The following STK4 variants were observed in gnomAD, a reference collection of about 807,000 sequenced individuals.
The protein encoded by STK4 is serine/threonine kinase 4.
Under a neutral mutation model 64.9 loss-of-function variants are expected in STK4, and 30 were observed. The ratio of observed to expected loss-of-function variants is 0.46; its 90% CI spans 0.35 to 0.63. STK4 has a LOEUF of 0.63. Among genes scored for constraint, STK4 ranks in the 20% least tolerant of loss-of-function variants. STK4 has a pLI of 0.01. For synonymous variants in STK4, 177 were observed against 199.0 expected, an observed-to-expected ratio of 0.89 and a Z score of 0.93; for missense variants, 466 against 598.5, an observed-to-expected ratio of 0.78 and a Z score of 2.31.
chr20:45,075,824 A>G lies in STK4; in HGVS notation c.*648A>G, dbSNP rs1399239703. 1 of 152,658 alleles carries G rather than the reference A, an allele frequency of 6.6e-6. No homozygotes were observed. The highest frequency in any genetic ancestry group is 1.5e-5 in the Non-Finnish European group (1 of 68,046). 9.5% of individuals were successfully genotyped at this position (152,658 alleles called of 1,614,324 possible). ...GCTTCTGGAGCTATTGGTGATGTCC[A>G]AGGGAAAGCTTTGAGAGTTTATGTT... On this transcript the variant is annotated 3_prime_UTR_variant, in exon 11 of 11. Coordinates refer to ENST00000372806, the MANE Select transcript of STK4 (RefSeq NM_006282.5).
intron 10 of STK4, among the ~76,000 whole-genome samples, chr20:45,028,986 C>T (rs1403918003): frequency 6.6e-6 from 1 of 152,180 alleles, no homozygotes; most frequent in Non-Finnish European, 1.5e-5. Flanking sequence ...ACTTGTATTC[C>T]TCCTGAGACT....
At chr20:44,969,438 TTCAGATGGC>T (rs1383722551) in intron 1 of STK4, among the ~76,000 whole-genome samples, 2 of 152,214 alleles carry the variant, frequency 1.3e-5, no homozygotes, top group Non-Finnish European at 2.9e-5. Context: ...TTTTCAGAAA[TTCAGATGGC>T]ATGTGTTTCC....
chr20:44,980,904 G>A (rs1020223914), intron 3 of STK4, among the ~76,000 whole-genome samples: 7 of 152,014 alleles, frequency 4.6e-5, no homozygotes, highest in Non-Finnish European at 8.8e-5. Flanking sequence ...TCCTGACCTC[G>A]GGATCCGCCC....
chr20:44,974,877 C>T (rs997667663), intron 2 of STK4: 1 of 152,198 alleles, frequency 6.6e-6, no homozygotes, highest in African/African-American at 2.4e-5. Context: ...CTGGAGGCTG[C>T]AATCATTCTG....
intron 9 of STK4, among the ~76,000 whole-genome samples, chr20:45,011,665 A>G (rs1351662237): frequency 7.0e-6 from 1 of 142,074 alleles, no homozygotes; most frequent in Non-Finnish European, 1.5e-5. Context: ...AAACCTAATA[A>G]TTCTTGTGTA....
At chr20:45,008,589 A>C (rs1182008257) in intron 9 of STK4, among the ~76,000 whole-genome samples, 3 of 152,156 alleles carry the variant, frequency 2.0e-5, no homozygotes, top group African/African-American at 7.2e-5. Flanking sequence ...TGGTGTTTTA[A>C]GTTCTTTGAG....
In STK4 at chr20:45,075,412, C is replaced by G. The variant is rs1440154881; in HGVS notation, c.*236C>G. On this transcript the variant is annotated 3_prime_UTR_variant, in exon 11 of 11. Transcript: ENST00000372806. ...AAAGGATTTATATTGGCGCTTTTAA[C>G]TCAGAGTTTTAAACCCCAGGAACAG... The G allele has an allele frequency of 1.4e-5, 6 of 427,052 alleles. No homozygotes were observed. Among genetic ancestry groups the G allele is most frequent in the Non-Finnish European group, 1.7e-5 (4 of 240,838 alleles). The allele number at this position is 427,052 out of a possible 1,614,324, so 26.5% of individuals were successfully genotyped here. A position where few individuals can be genotyped will look rare whatever the true frequency, so the allele number is the denominator to read the frequency against.
intron 3 of STK4, among the ~76,000 whole-genome samples, chr20:44,979,964 G>C (rs1474777311): frequency 1.3e-5 from 2 of 152,154 alleles, no homozygotes; most frequent in East Asian, 3.9e-4. Flanking sequence ...GTTCCAAACA[G>C]AGTATGGAAA....
chr20:45,020,729 A>G (rs1287771177), intron 9 of STK4, among the ~76,000 whole-genome samples: 4 of 151,874 alleles, frequency 2.6e-5, no homozygotes, highest in South Asian at 2.1e-4. Context: ...TTGTTGAGAC[A>G]TTTGTTGACT....
At chr20:45,070,926 A>G (rs182314939) in intron 10 of STK4, among the ~76,000 whole-genome samples, 14 of 151,868 alleles carry the variant, frequency 9.2e-5, no homozygotes, top group Admixed American at 4.6e-4. Flanking sequence ...CAGGCTTACT[A>G]TCATTAGAAT....
chr20:44,971,278 A>G (rs977182843), intron 1 of STK4, among the ~76,000 whole-genome samples: 1 of 152,188 alleles, frequency 6.6e-6, no homozygotes, highest in African/African-American at 2.4e-5. Flanking sequence ...GCAGCCAAGT[A>G]CCTTTGATTT....
chr20:44,981,910 T>G lies in STK4; in HGVS notation c.327T>G (p.Ser109=). The G allele has an allele frequency of 6.2e-7, 1 of 1,613,976 alleles. No homozygotes were observed. Among genetic ancestry groups the G allele is most frequent in the Non-Finnish European group, 8.5e-7 (1 of 1,179,856 alleles). The change falls in exon 4 of 11, where the codon TCT becomes TCG. Residue 109 remains serine, a synonymous_variant. Coordinates refer to ENST00000372806, the MANE Select transcript of STK4 (RefSeq NM_006282.5). The stretch of plus-strand genomic sequence containing the variant: ...TTATGGAGTACTGTGGGGCTGGTTC[T>G]GTATCTGATATCATTCGATTACGAA... ...WIVMEYCGAG[S]VSDIIRLRNK... is the part of the protein sequence containing the mutation.
At chr20:45,046,265 CAA>C (rs56077065) in intron 10 of STK4, among the ~76,000 whole-genome samples, 30 of 119,656 alleles carry the variant, frequency 2.5e-4, no homozygotes, top group Admixed American at 4.4e-4. Flanking sequence ...CCTGTATCTA[CAA>C]AAAAAAAAAA....
chr20:44,987,881 T>C (rs981633763), intron 5 of STK4, among the ~76,000 whole-genome samples: 35 of 152,052 alleles, frequency 2.3e-4, no homozygotes, highest in African/African-American at 8.4e-4. Context: ...TACTCTAAAA[T>C]TTGCAAAAAT....
Position 45,001,267 on chromosome 20 carries a change from T to C in STK4, c.1061T>C (p.Met354Thr), listed in dbSNP as rs2067834878. The C allele has an allele frequency of 1.2e-6, 2 of 1,614,080 alleles. No individual in the cohort carries two copies. Residue 354 changes from methionine to threonine, a missense_variant, in exon 9 of 11, where the codon ATG becomes ACG. By Grantham distance (81) the Met-to-Thr change is moderately conservative (BLOSUM62 -1). Coordinates refer to ENST00000372806, the MANE Select transcript of STK4 (RefSeq NM_006282.5). Reference protein sequence around the residue: ...ASTMTDGANTMIEHDDTLPSQ... With the variant: ...ASTMTDGANTTIEHDDTLPSQ... ...ACCATGACTGATGGAGCCAATACTATGATTGAGCACGATGACACGTTGCCA... is the reference window on the plus strand; with the variant it reads ...ACCATGACTGATGGAGCCAATACTACGATTGAGCACGATGACACGTTGCCA...
At chr20:44,996,687 G>A (rs998620949) in intron 6 of STK4, among the ~76,000 whole-genome samples, 10 of 151,990 alleles carry the variant, frequency 6.6e-5, no homozygotes, top group South Asian at 2.1e-4. Flanking sequence ...TCACACATGC[G>A]TTGATTTAGC....
chr20:45,026,162 A>C (rs2145386358), intron 10 of STK4, among the ~76,000 whole-genome samples: 1 of 131,464 alleles, frequency 7.6e-6, no homozygotes, highest in South Asian at 2.6e-4. Flanking sequence ...CATGTGTTTG[A>C]CACTATTCTA....
intron 1 of STK4, among the ~76,000 whole-genome samples, chr20:44,971,048 G>A (rs1027246053): frequency 7.7e-6 from 1 of 129,496 alleles, no homozygotes; most frequent in African/African-American, 3.0e-5. Context: ...ATTCTTTGTT[G>A]TTCTTTGTAG....
At position 45,062,989 on chromosome 20, in the gene STK4, C is replaced by CTTTTTTTT. The variant is rs71197599; in HGVS notation, c.1306-12006_1306-11999dup. ...ACAGGTGTGAGCCACCGCACCCGGC[C>CTTTTTTTT]TTTTTTTTTTTTTTTTTTTTTTTTT... is the stretch of plus-strand genomic sequence containing the variant. On this transcript the variant is annotated intron_variant, in intron 10 of 10. Transcript: ENST00000372806. Among the ~76,000 whole-genome samples, 209 of 31,504 alleles carry CTTTTTTTT rather than the reference C, an allele frequency of 6.6e-3. 52 individuals carry two copies. The highest frequency in any genetic ancestry group is 0.018 in the African/African-American group (130 of 7,164). 20.7% of individuals were successfully genotyped at this position (31,504 alleles called of 152,430 possible).
Sources: allele counts gnomAD v4.1 joint callset (sites outside exome capture counted in the v4.1 genomes callset), GRCh38; gene constraint gnomAD v4.1.1; transcripts MANE v1.5; gene names NCBI Gene and HGNC (gene_info 2026-07-23, HGNC 2026-07-21).